The following CPQ variants were observed in gnomAD, a reference collection of about 807,000 sequenced individuals.
CPQ encodes the protein carboxypeptidase Q.
CPQ carries 37 observed loss-of-function variants against 45.7 expected under a neutral mutation model. The observed-to-expected ratio is 0.81, with a 90% CI of 0.62 to 1.07. CPQ has a LOEUF of 1.07. Ranked by LOEUF, CPQ falls within the 50% of genes least tolerant of loss-of-function variation. The pLI, the probability that CPQ is intolerant of heterozygous loss-of-function variation, is 0.00. For synonymous variants in CPQ, 186 were observed against 205.8 expected (o/e 0.90, Z 0.82); for missense variants, 537 against 572.9 (o/e 0.94, Z 0.64).
intron 1 of CPQ, among the ~76,000 whole-genome samples, chr8:96,751,156 A>T (rs1286669043): frequency 6.6e-6 from 1 of 152,198 alleles, no homozygotes; most frequent in Non-Finnish European, 1.5e-5. Flanking sequence ...ATACCCAGTA[A>T]TGGGATTGCC....
intron 4 of CPQ, among the ~76,000 whole-genome samples, chr8:96,904,021 G>A (rs945236207): frequency 6.6e-6 from 1 of 152,122 alleles, no homozygotes; most frequent in African/African-American, 2.4e-5. Context: ...CCTTGATAAA[G>A]CTTTAATGTG....
chr8:97,114,711 A>G (rs1811553733), intron 7 of CPQ, among the ~76,000 whole-genome samples: 1 of 152,152 alleles, frequency 6.6e-6, no homozygotes, highest in African/African-American at 2.4e-5. Context: ...TGGCTGCAAT[A>G]GAGATGTTAT....
intron 2 of CPQ, among the ~76,000 whole-genome samples, chr8:96,811,764 A>C (rs1352307248): frequency 1.3e-5 from 2 of 152,186 alleles, no homozygotes; most frequent in Non-Finnish European, 2.9e-5. Flanking sequence ...AGGGCCAATA[A>C]CTTCTTGCAA....
intron 4 of CPQ, among the ~76,000 whole-genome samples, chr8:96,926,825 C>T (rs1812898223): frequency 6.6e-6 from 1 of 152,056 alleles, no homozygotes; most frequent in East Asian, 1.9e-4. Context: ...TATCCCTCCT[C>T]TAGCCCCCAA....
At chr8:96,700,753 T>G (rs1209166883) in intron 1 of CPQ, among the ~76,000 whole-genome samples, 1 of 152,138 alleles carries the variant, frequency 6.6e-6, no homozygotes, top group Non-Finnish European at 1.5e-5. Flanking sequence ...GCCTGGAAGC[T>G]GGAGGAGGGA....
At chr8:96,677,487 C>T (rs916308620) in intron 1 of CPQ, among the ~76,000 whole-genome samples, 1 of 151,616 alleles carries the variant, frequency 6.6e-6, no homozygotes, top group Non-Finnish European at 1.5e-5. Flanking sequence ...TGAAAATTGT[C>T]TATATGTCCT....
intron 5 of CPQ, among the ~76,000 whole-genome samples, chr8:97,017,416 T>TG (rs1809600047): frequency 2.0e-5 from 3 of 152,162 alleles, no homozygotes; most frequent in South Asian, 4.1e-4. Context: ...TGGCCAGAAC[T>TG]GGGGGGAGGG....
chr8:97,033,562 T>C lies in CPQ; in HGVS notation c.1053+4068T>C, dbSNP rs150119363. Among the ~76,000 whole-genome samples the C allele has an allele frequency of 5.4e-3, 828 of 152,306 alleles. 5 individuals are homozygous for C. Among genetic ancestry groups the C allele is most frequent in the African/African-American group, 0.019 (779 of 41,562 alleles). On this transcript the variant is annotated intron_variant, in intron 6 of 7. Transcript: ENST00000220763. ...TGTAAATTTTGTTTCGAGCCTAATA[T>C]TAGCCTATGTAAGTATATTGTAGGA...
At chr8:96,654,814 T>C (rs1018935665) in intron 1 of CPQ, among the ~76,000 whole-genome samples, 1 of 152,242 alleles carries the variant, frequency 6.6e-6, no homozygotes, top group African/African-American at 2.4e-5. Context: ...AGCAGCTTTA[T>C]AGATGACAGT....
chr8:96,678,569 C>T (rs1035682672), intron 1 of CPQ, among the ~76,000 whole-genome samples: 1 of 152,010 alleles, frequency 6.6e-6, no homozygotes, highest in Non-Finnish European at 1.5e-5. Flanking sequence ...TGCATCCTTG[C>T]CAGCATTTGT....
At chr8:97,004,408 A>G (rs1809343411) in intron 5 of CPQ, among the ~76,000 whole-genome samples, 1 of 152,084 alleles carries the variant, frequency 6.6e-6, no homozygotes, top group South Asian at 2.1e-4. Flanking sequence ...AAAAAACAGA[A>G]TATTGGTAAG....
chr8:96,994,166 A>C (rs1433954899), intron 5 of CPQ, among the ~76,000 whole-genome samples: 1 of 152,166 alleles, frequency 6.6e-6, no homozygotes, highest in Non-Finnish European at 1.5e-5. Flanking sequence ...ATTTTGCATG[A>C]ACAAAAAGTC....
rs1813793404 is a variant in CPQ, at chr8:96,976,635, C to T, written c.961+10589C>T. Among the ~76,000 whole-genome samples the T allele has an allele frequency of 2.6e-5, 4 of 152,174 alleles. No individual in the cohort carries two copies. The South Asian group carries it at 8.3e-4, about 32-fold the overall frequency. ...CCTTAGACACCAAAACAGCATGGTA[C>T]TGGTATAAAAATAGGCATATAGACC... On this transcript the variant is annotated intron_variant, in intron 5 of 7. Transcript: ENST00000220763.
chr8:97,036,009 C>T (rs1452181290), intron 6 of CPQ, among the ~76,000 whole-genome samples: 2 of 152,094 alleles, frequency 1.3e-5, no homozygotes, highest in Non-Finnish European at 2.9e-5. Context: ...GCCCGGCCGC[C>T]TTAAGACTAT....
intron 1 of CPQ, among the ~76,000 whole-genome samples, chr8:96,660,169 G>T (rs192442107): frequency 6.6e-6 from 1 of 152,276 alleles, no homozygotes; most frequent in Admixed American, 6.5e-5. Context: ...TCATGGTTGT[G>T]GGGGCTGGAA....
At chr8:96,818,104 C>T (rs946866244) in intron 2 of CPQ, among the ~76,000 whole-genome samples, 4 of 151,932 alleles carry the variant, frequency 2.6e-5, no homozygotes, top group Middle Eastern at 3.4e-3. Context: ...AAGAGGCCAT[C>T]GTAGGTTATT....
At chr8:96,940,998 C>T (rs1171818125) in intron 4 of CPQ, among the ~76,000 whole-genome samples, 1 of 152,144 alleles carries the variant, frequency 6.6e-6, no homozygotes, top group Non-Finnish European at 1.5e-5. Flanking sequence ...TGCTTTTTCA[C>T]CCTCCCATAT....
intron 4 of CPQ, among the ~76,000 whole-genome samples, chr8:96,886,043 G>A (rs1453344656): frequency 2.0e-5 from 3 of 152,038 alleles, no homozygotes; most frequent in Non-Finnish European, 4.4e-5. Context: ...TAGCAGAATA[G>A]GGGTAATATA....
chr8:96,662,954 T>C (rs1808857255), intron 1 of CPQ, among the ~76,000 whole-genome samples: 1 of 152,178 alleles, frequency 6.6e-6, no homozygotes, highest in South Asian at 2.1e-4. Context: ...GCACCAGCAC[T>C]CCAGCCTGAG....
Sources: allele counts gnomAD v4.1 joint callset (sites outside exome capture counted in the v4.1 genomes callset), GRCh38; gene constraint gnomAD v4.1.1; transcripts MANE v1.5; gene names NCBI Gene and HGNC (gene_info 2026-07-23, HGNC 2026-07-21).